The following LHFPL3 variants were observed in gnomAD, a reference collection of about 807,000 sequenced individuals.
The protein encoded by LHFPL3 is LHFPL tetraspan subfamily member 3 protein.
Under a neutral mutation model 19.3 loss-of-function variants are expected in LHFPL3, and 5 were observed. The observed-to-expected ratio is 0.26, with a 90% CI of 0.14 to 0.54. LHFPL3 has a LOEUF of 0.54. LHFPL3 is among the 20% of genes least tolerant of loss of function. LHFPL3 has a pLI of 0.94. For missense variants in LHFPL3, 249 were observed against 307.4 expected, an observed-to-expected ratio of 0.81 and a Z score of 1.42; for synonymous variants, 133 against 126.2, an observed-to-expected ratio of 1.05 and a Z score of -0.36.
At chr7:104,763,231 G>A (rs571125276) in intron 2 of LHFPL3, among the ~76,000 whole-genome samples, 2 of 152,352 alleles carry the variant, frequency 1.3e-5, no homozygotes, top group East Asian at 3.9e-4. Flanking sequence ...AGGTCACAAT[G>A]TCCCAACCTT....
intron 1 of LHFPL3, among the ~76,000 whole-genome samples, chr7:104,510,324 T>G (rs1293387177): frequency 6.6e-6 from 1 of 152,134 alleles, no homozygotes; most frequent in African/African-American, 2.4e-5. Flanking sequence ...ATATTCAATC[T>G]CAAGAATTAT....
intron 1 of LHFPL3, among the ~76,000 whole-genome samples, chr7:104,728,401 A>G (rs542835784): frequency 6.6e-6 from 1 of 152,292 alleles, no homozygotes; most frequent in East Asian, 1.9e-4. Flanking sequence ...GTAACCTGCC[A>G]TGATACATAA....
chr7:104,639,371 T>C (rs1370565823), intron 1 of LHFPL3, among the ~76,000 whole-genome samples: 1 of 152,194 alleles, frequency 6.6e-6, no homozygotes, highest in East Asian at 1.9e-4. Context: ...CCTAGAAGTG[T>C]TCACAGCAGT....
At chr7:104,587,913 C>A (rs9771320) in intron 1 of LHFPL3, among the ~76,000 whole-genome samples, 72,209 of 152,062 alleles carry the variant, frequency 0.47, 17,279 homozygotes, top group South Asian at 0.53. Flanking sequence ...CTGCATAAAT[C>A]TCTTCTTTTG....
chr7:104,441,601 A>G (rs995397595), intron 1 of LHFPL3, among the ~76,000 whole-genome samples: 3 of 151,962 alleles, frequency 2.0e-5, no homozygotes, highest in East Asian at 1.9e-4. Flanking sequence ...TTTTGAGACA[A>G]TGTCTTGCCC....
chr7:104,417,871 TC>T (rs1562890954), intron 1 of LHFPL3, among the ~76,000 whole-genome samples: 1 of 129,728 alleles, frequency 7.7e-6, no homozygotes, highest in African/African-American at 3.1e-5. Flanking sequence ...TTCTTCTTCT[TC>T]TTCTTCTTCT....
chr7:104,837,945 C>T (rs1791129068), intron 2 of LHFPL3, among the ~76,000 whole-genome samples: 1 of 152,194 alleles, frequency 6.6e-6, no homozygotes. Context: ...ATATAACCTT[C>T]AGAAACTATA....
chr7:104,415,263 G>A (rs1557693), intron 1 of LHFPL3, among the ~76,000 whole-genome samples: 14,979 of 152,132 alleles, frequency 0.098, 815 homozygotes, highest in African/African-American at 0.13. Context: ...AATAGTGAAG[G>A]CACAGTTTCT....
chr7:104,610,612 A>G (rs1236555088), intron 1 of LHFPL3, among the ~76,000 whole-genome samples: 2 of 152,086 alleles, frequency 1.3e-5, no homozygotes, highest in African/African-American at 4.8e-5. Flanking sequence ...GAGAAGTCTA[A>G]TGTCTCAGCT....
rs181569646 is a variant in LHFPL3, at chr7:104,440,452, A to G, written c.445+111228A>G. Reference sequence around the variant, plus strand: ...GTGGGGAGGGATAGCATTAGGAGATATACCTAATGTAAATGACGAGTTAAT... The same window carrying G: ...GTGGGGAGGGATAGCATTAGGAGATGTACCTAATGTAAATGACGAGTTAAT... On this transcript the variant is annotated intron_variant, in intron 1 of 2. Transcript: ENST00000424859. Among the ~76,000 whole-genome samples, 667 of 151,182 alleles carry G rather than the reference A, an allele frequency of 4.4e-3. 4 individuals are homozygous for G. Among genetic ancestry groups the G allele is most frequent in the African/African-American group, 0.015 (619 of 41,198 alleles).
chr7:104,444,989 C>CA (rs34934942), intron 1 of LHFPL3, among the ~76,000 whole-genome samples: 26,046 of 140,584 alleles, frequency 0.19, 2,211 homozygotes, highest in Middle Eastern at 0.22. Flanking sequence ...ACTCCGTCTC[C>CA]AAAAAAAAAA....
At chr7:104,726,048 T>C (rs974465315) in intron 1 of LHFPL3, among the ~76,000 whole-genome samples, 2 of 71,664 alleles carry the variant, frequency 2.8e-5, no homozygotes, top group Non-Finnish European at 5.0e-5. Context: ...TGAGACTCCA[T>C]CTCAGGCAAA....
chr7:104,434,439 A>G (rs1792062027), intron 1 of LHFPL3, among the ~76,000 whole-genome samples: 1 of 152,228 alleles, frequency 6.6e-6, no homozygotes, highest in Non-Finnish European at 1.5e-5. Context: ...CATCGCTTAC[A>G]CCTTTGAAGG....
intron 2 of LHFPL3, among the ~76,000 whole-genome samples, chr7:104,846,642 C>T (rs998871349): frequency 3.3e-5 from 5 of 152,204 alleles, no homozygotes; most frequent in African/African-American, 1.2e-4. Context: ...CTCTTCCCAT[C>T]AAAGCATCTT....
intron 1 of LHFPL3, among the ~76,000 whole-genome samples, chr7:104,384,035 A>G (rs1245260440): frequency 2.0e-5 from 3 of 152,114 alleles, no homozygotes; most frequent in Non-Finnish European, 4.4e-5. Context: ...AACCTGTATG[A>G]TGGGAGAAGT....
At chr7:104,697,695 C>G (rs185794681) in intron 1 of LHFPL3, among the ~76,000 whole-genome samples, 9 of 152,290 alleles carry the variant, frequency 5.9e-5, no homozygotes, top group African/African-American at 2.2e-4. Context: ...TTAACTTGAG[C>G]TTTTCATCTA....
At chr7:104,478,933 A>G (rs7776632) in intron 1 of LHFPL3, among the ~76,000 whole-genome samples, 87,583 of 151,994 alleles carry the variant, frequency 0.58, 25,907 homozygotes, top group African/African-American at 0.67. Context: ...TGGCTAAAAT[A>G]GTCTTTAAGA....
In LHFPL3 at chr7:104,584,225, G is replaced by A. The variant is rs575643033; in HGVS notation, c.446-152450G>A. ...TCGCAAGGACAAAAAACCAAACACC[G>A]CATGTTCTAACTCATAGGTGGGAAT... On this transcript the variant is annotated intron_variant, in intron 1 of 2. Transcript: ENST00000424859. 3.9e-4 allele frequency among the ~76,000 whole-genome samples: 60 copies of A among 151,950 alleles called. 2 individuals carry two copies. In the South Asian group the frequency reaches 0.011, roughly 29 times the overall value.
intron 1 of LHFPL3, among the ~76,000 whole-genome samples, chr7:104,730,992 T>A (rs1393223882): frequency 3.3e-5 from 5 of 152,230 alleles, no homozygotes. Context: ...GCACCGTTTA[T>A]TAAATAAGGA....
Sources: allele counts gnomAD v4.1 joint callset (sites outside exome capture counted in the v4.1 genomes callset), GRCh38; gene constraint gnomAD v4.1.1; transcripts MANE v1.5; gene names NCBI Gene and HGNC (gene_info 2026-07-23, HGNC 2026-07-21).